FBXL17: variants seen among roughly 807,000 people sequenced by gnomAD.
FBXL17 encodes the protein F-box and leucine rich repeat protein 17.
A neutral mutation model predicts 66.2 loss-of-function variants in FBXL17; 22 were observed. The ratio of observed to expected loss-of-function variants is 0.33; its 90% confidence interval spans 0.24 to 0.47. The LOEUF (loss-of-function observed/expected upper bound fraction) is 0.47. Among genes scored for constraint, FBXL17 ranks in the 20% least tolerant of loss-of-function variants. FBXL17 has a pLI of 1.00. For synonymous variants in FBXL17, 474 were observed against 400.5 expected, an observed-to-expected ratio of 1.18 and a Z score of -2.19; for missense variants, 878 against 948.2, an observed-to-expected ratio of 0.93 and a Z score of 0.97.
At chr5:108,374,478 C>G (rs1012376338) in intron 1 of FBXL17, among the ~76,000 whole-genome samples, 2 of 152,038 alleles carry the variant, frequency 1.3e-5, no homozygotes, top group African/African-American at 4.8e-5. Context: ...TTAAGACCAG[C>G]CTGGGCAACA....
At chr5:107,888,531 T>C (rs950753661) in intron 7 of FBXL17, among the ~76,000 whole-genome samples, 1 of 152,142 alleles carries the variant, frequency 6.6e-6, no homozygotes, top group African/African-American at 2.4e-5. Flanking sequence ...ACTTCTATTC[T>C]CCCAACAAGG....
rs546652983 is a variant in FBXL17, at chr5:108,062,654, C to T, written c.1746-41653G>A. Among the ~76,000 whole-genome samples, 8 of 152,188 alleles carry T rather than the reference C, an allele frequency of 5.3e-5. No homozygotes were observed. In the East Asian group the frequency reaches 7.7e-4, roughly 15 times the overall value. On this transcript the variant is annotated intron_variant, in intron 6 of 8. Coordinates refer to ENST00000542267, the MANE Select transcript of FBXL17 (RefSeq NM_001163315.3). Reference sequence around the variant, plus strand: ...CAGTTTTTAAACCTAGGAATTTAAACGCTAAAGCAATTTTCATGACTTTTT... The same window carrying T: ...CAGTTTTTAAACCTAGGAATTTAAATGCTAAAGCAATTTTCATGACTTTTT...
At chr5:107,993,044 C>T (rs530787072) in intron 7 of FBXL17, among the ~76,000 whole-genome samples, 11 of 152,134 alleles carry the variant, frequency 7.2e-5, no homozygotes, top group East Asian at 1.9e-4. Context: ...CACAGGCGCC[C>T]GCCACCACGC....
At chr5:108,196,289 A>C (rs1189985266) in intron 5 of FBXL17, among the ~76,000 whole-genome samples, 1 of 152,064 alleles carries the variant, frequency 6.6e-6, no homozygotes, top group African/African-American at 2.4e-5. Context: ...AGGCAGTTAC[A>C]AGGCAGAATT....
intron 4 of FBXL17, among the ~76,000 whole-genome samples, chr5:108,261,535 T>C (rs1418294715): frequency 6.6e-6 from 1 of 152,176 alleles, no homozygotes; most frequent in Admixed American, 6.5e-5. Flanking sequence ...TCTAGAATTT[T>C]ACATCAAGCC....
At chr5:108,186,957 A>AT (rs1395338728) in intron 5 of FBXL17, among the ~76,000 whole-genome samples, 3 of 151,908 alleles carry the variant, frequency 2.0e-5, no homozygotes, top group East Asian at 3.9e-4. Flanking sequence ...TTCTGTATAG[A>AT]TTTTTTTATT....
intron 7 of FBXL17, among the ~76,000 whole-genome samples, chr5:108,009,298 T>TATATAGAGAGATAGATAGATAG (rs1554056628): frequency 1.4e-5 from 1 of 71,450 alleles, no homozygotes; most frequent in Admixed American, 1.6e-4. Flanking sequence ...TATATATATA[T>TATATAGAGAGATAGATAGATAG]ATACATATAT....
chr5:108,354,856 A>G (rs1425090124), intron 3 of FBXL17, among the ~76,000 whole-genome samples: 2 of 152,102 alleles, frequency 1.3e-5, no homozygotes, highest in Non-Finnish European at 2.9e-5. Flanking sequence ...ATCAAGAAGA[A>G]AGTAGAGTGA....
intron 6 of FBXL17, among the ~76,000 whole-genome samples, chr5:108,055,287 A>G (rs1316993758): frequency 2.1e-4 from 10 of 46,852 alleles, no homozygotes; most frequent in African/African-American, 9.6e-4. Context: ...TTAGAAAAAA[A>G]AAAAAAAAAA....
intron 3 of FBXL17, among the ~76,000 whole-genome samples, chr5:108,356,426 C>A (rs909378530): frequency 6.6e-6 from 1 of 152,054 alleles, no homozygotes; most frequent in Admixed American, 6.5e-5. Flanking sequence ...CTTGGACATG[C>A]CCAAAATGTC....
chr5:108,292,544 CTTCT>C (rs1381881928), intron 4 of FBXL17, among the ~76,000 whole-genome samples: 20 of 152,138 alleles, frequency 1.3e-4, no homozygotes, highest in Non-Finnish European at 2.6e-4. Context: ...CCTAAAATCC[CTTCT>C]TTATTTTCTA....
At chr5:107,937,730 A>G (rs1256438492) in intron 7 of FBXL17, among the ~76,000 whole-genome samples, 2 of 152,118 alleles carry the variant, frequency 1.3e-5, no homozygotes, top group Non-Finnish European at 2.9e-5. Context: ...GTTGAATTGA[A>G]TTACAGCATG....
At chr5:107,895,766 G>C (rs1749359221) in intron 7 of FBXL17, among the ~76,000 whole-genome samples, 2 of 152,138 alleles carry the variant, frequency 1.3e-5, no homozygotes, top group South Asian at 2.1e-4. Flanking sequence ...TAATGAGCTA[G>C]AGCTGTCTGT....
rs1230186296 is a variant in FBXL17 at position 108,381,785 on chromosome 5, C to A, written c.-94G>T. On this transcript the variant is annotated 5_prime_UTR_variant, in exon 1 of 9. Transcript: ENST00000542267. ...CGGGGCAGGCCGCTCGCTGGCTCGG[C>A]CCCCGGAGGGGTCGCCCTTCCTGCG... 1 of 1,356,862 alleles carries A rather than the reference C, an allele frequency of 7.4e-7. No homozygotes were observed. The highest frequency in any genetic ancestry group is 3.1e-5 in the East Asian group (1 of 32,186). 84.1% of individuals were successfully genotyped at this position (1,356,862 alleles called of 1,614,324 possible). A position where few individuals can be genotyped will look rare whatever the true frequency, so the allele number is the denominator to read the frequency against.
intron 7 of FBXL17, among the ~76,000 whole-genome samples, chr5:107,955,588 A>C (rs1751637333): frequency 6.6e-6 from 1 of 152,202 alleles, no homozygotes; most frequent in Non-Finnish European, 1.5e-5. Context: ...TCAAATTAGC[A>C]AAATGTTACA....
At chr5:107,933,155 C>T (rs1332894102) in intron 7 of FBXL17, among the ~76,000 whole-genome samples, 1 of 152,128 alleles carries the variant, frequency 6.6e-6, no homozygotes, top group African/African-American at 2.4e-5. Flanking sequence ...ATGCTATAAT[C>T]TATGCTAAAG....
chr5:108,165,985 T>G (rs914819355), intron 6 of FBXL17, among the ~76,000 whole-genome samples: 1 of 152,150 alleles, frequency 6.6e-6, no homozygotes, highest in Non-Finnish European at 1.5e-5. Flanking sequence ...TATAGTAACC[T>G]AAGGAAGAAA....
Position 107,994,605 on chromosome 5 carries a change from T to C in FBXL17, c.1822+26320A>G, listed in dbSNP as rs193008984. ...CTGTAATCCCAGCACTTTGGGAGGC[T>C]GAGGTGGGTGGATTATGAGGTCAGG... On this transcript the variant is annotated intron_variant, in intron 7 of 8. Coordinates refer to ENST00000542267, the MANE Select transcript of FBXL17 (RefSeq NM_001163315.3). Among the ~76,000 whole-genome samples the C allele has an allele frequency of 3.9e-3, 598 of 152,200 alleles. 5 individuals carry two copies. The highest frequency in any genetic ancestry group is 0.014 in the Middle Eastern group (4 of 294).
intron 5 of FBXL17, among the ~76,000 whole-genome samples, chr5:108,192,143 T>C (rs914079063): frequency 1.3e-5 from 2 of 152,372 alleles, no homozygotes; most frequent in Admixed American, 6.5e-5. Flanking sequence ...AATTTCATAA[T>C]GGTGCCCCCA....
Sources: gnomAD v4.1 joint callset for allele counts (sites outside exome capture counted in the v4.1 genomes callset) on GRCh38, gnomAD v4.1.1 for gene constraint, MANE v1.5 for transcripts, NCBI Gene and HGNC (gene_info 2026-07-23, HGNC 2026-07-21) for gene names.